Variants in SERGEF observed in about 807,000 individuals in gnomAD.
SERGEF encodes secretion-regulating guanine nucleotide exchange factor.
A neutral mutation model predicts 50.0 loss-of-function variants in SERGEF; 51 were observed. That is an observed-to-expected ratio of 1.02 (90% CI 0.81 to 1.29). The LOEUF (loss-of-function observed/expected upper bound fraction) is 1.29, where lower values mean the gene tolerates loss of function less well. Among genes scored for constraint, SERGEF ranks in the 50% most tolerant of loss-of-function variants. The pLI is 0.00. For missense variants in SERGEF, 521 were observed against 557.0 expected (o/e 0.94, Z 0.65); for synonymous variants, 205 against 212.4 (o/e 0.97, Z 0.30).
intron 9 of SERGEF, among the ~76,000 whole-genome samples, chr11:17,937,499 T>C (rs1158537825): frequency 1.3e-5 from 2 of 152,114 alleles, no homozygotes; most frequent in Admixed American, 1.3e-4. Context: ...ATCGTGCCAC[T>C]GGACTCCAGT....
intron 10 of SERGEF, among the ~76,000 whole-genome samples, chr11:17,852,344 A>G (rs1850728821): frequency 6.6e-6 from 1 of 152,234 alleles, no homozygotes; most frequent in South Asian, 2.1e-4. Context: ...TTTAAGCTTA[A>G]TGAGTAATGA....
chr11:17,821,609 C>T (rs1053958216), intron 10 of SERGEF, among the ~76,000 whole-genome samples: 1 of 152,196 alleles, frequency 6.6e-6, no homozygotes, highest in Admixed American at 6.5e-5. Flanking sequence ...CCTAGAATGC[C>T]CTCCTCATTC....
At chr11:17,843,621 C>T (rs2133864747) in intron 10 of SERGEF, among the ~76,000 whole-genome samples, 1 of 152,282 alleles carries the variant, frequency 6.6e-6, no homozygotes, top group East Asian at 1.9e-4. Context: ...ACATTAAGGA[C>T]ATTACTTGGA....
At chr11:17,851,490 G>A (rs905197914) in intron 10 of SERGEF, among the ~76,000 whole-genome samples, 2 of 152,064 alleles carry the variant, frequency 1.3e-5, no homozygotes, top group African/African-American at 2.4e-5. Context: ...TAGAGCCCCC[G>A]CACATGAGGC....
chr11:17,877,507 T>C (rs564649046), intron 10 of SERGEF, among the ~76,000 whole-genome samples: 1 of 152,306 alleles, frequency 6.6e-6, no homozygotes, highest in African/African-American at 2.4e-5. Flanking sequence ...AAGATGAGCA[T>C]AGAGAAGTCA....
intron 10 of SERGEF, among the ~76,000 whole-genome samples, chr11:17,817,300 C>T (rs563749861): frequency 5.3e-5 from 8 of 151,654 alleles, no homozygotes; most frequent in East Asian, 1.9e-4. Context: ...CTGCAAGTTC[C>T]GCCTCCCGGG....
Position 18,006,038 on chromosome 11 carries a change from C to T in SERGEF, c.352+553G>A, listed in dbSNP as rs550184851. On this transcript the variant is annotated intron_variant, in intron 3 of 10. Transcript: ENST00000265965. Reference sequence around the variant, plus strand: ...CACCAAAGGTGATCTAGTCTATTCCCTACTCTCTGACAAAAGTTTTCCACC... The same window carrying T: ...CACCAAAGGTGATCTAGTCTATTCCTTACTCTCTGACAAAAGTTTTCCACC... 5.2e-5 allele frequency among the ~76,000 whole-genome samples: 8 copies of T among 152,382 alleles called. 1 individual carries two copies. The highest frequency in any genetic ancestry group is 5.2e-4 in the Admixed American group (8 of 15,310).
chr11:17,999,979 G>C (rs1369672189), intron 5 of SERGEF, among the ~76,000 whole-genome samples: 2 of 152,288 alleles, frequency 1.3e-5, no homozygotes, highest in African/African-American at 4.8e-5. Flanking sequence ...AGAACACAAA[G>C]AGCTAGAAAA....
intron 9 of SERGEF, among the ~76,000 whole-genome samples, chr11:17,911,900 G>A (rs904373207): frequency 1.3e-5 from 2 of 152,150 alleles, no homozygotes; most frequent in African/African-American, 4.8e-5. Context: ...TGGAAGCAGG[G>A]AAGTCAAGTG....
chr11:17,954,496 G>C (rs1852826766), intron 9 of SERGEF, among the ~76,000 whole-genome samples: 1 of 152,152 alleles, frequency 6.6e-6, no homozygotes, highest in Non-Finnish European at 1.5e-5. Context: ...CTGAGTGAGT[G>C]ACTCTGCAAA....
chr11:18,008,494 C>A (rs1214578884), intron 1 of SERGEF, among the ~76,000 whole-genome samples: 2 of 152,186 alleles, frequency 1.3e-5, no homozygotes, highest in Non-Finnish European at 2.9e-5. Flanking sequence ...CTACCTCAGG[C>A]CCCAGAAGGC....
intron 9 of SERGEF, among the ~76,000 whole-genome samples, chr11:17,881,536 T>G (rs1159783941): frequency 6.6e-6 from 1 of 152,234 alleles, no homozygotes; most frequent in Non-Finnish European, 1.5e-5. Flanking sequence ...ATAATGCTCC[T>G]GTCAGCATCT....
intron 9 of SERGEF, among the ~76,000 whole-genome samples, chr11:17,959,014 G>T (rs1181266320): frequency 6.6e-6 from 1 of 152,162 alleles, no homozygotes; most frequent in African/African-American, 2.4e-5. Flanking sequence ...GACTACAGGT[G>T]TGTGCCACCA....
At chr11:18,009,194 G>C (rs763030445) in intron 1 of SERGEF, among the ~76,000 whole-genome samples, 1 of 152,194 alleles carries the variant, frequency 6.6e-6, no homozygotes, top group Non-Finnish European at 1.5e-5. Context: ...ACTGACCAAA[G>C]AGGAAATGAC....
At chr11:17,916,452 CTGAGCTTATAAATTACCTGGAGGCAT>C (rs1378924359) in intron 9 of SERGEF, among the ~76,000 whole-genome samples, 1 of 152,178 alleles carries the variant, frequency 6.6e-6, no homozygotes, top group Non-Finnish European at 1.5e-5. Flanking sequence ...CTAGCTTTAT[CTGAGCTTATAAATTACCTGGAGGCAT>C]TGAGCCCCAC....
chr11:17,857,223 G>A (rs765265475), intron 10 of SERGEF, among the ~76,000 whole-genome samples: 5 of 152,176 alleles, frequency 3.3e-5, no homozygotes, highest in Non-Finnish European at 5.9e-5. Context: ...GTGGGTGACC[G>A]TTCCGGACAT....
chr11:17,974,574 C>T (rs776981382), intron 8 of SERGEF, among the ~76,000 whole-genome samples: 2 of 152,098 alleles, frequency 1.3e-5, no homozygotes, highest in Non-Finnish European at 2.9e-5. Context: ...ACAAAGAAGC[C>T]AAAGTCTCTC....
intron 5 of SERGEF, among the ~76,000 whole-genome samples, chr11:17,998,398 C>T (rs900236791): frequency 1.4e-5 from 2 of 145,102 alleles, no homozygotes; most frequent in Non-Finnish European, 3.0e-5. Flanking sequence ...GCCTGGACAA[C>T]AGGGGGGGAC....
At chr11:17,958,903 C>A (rs11024438) in intron 9 of SERGEF, among the ~76,000 whole-genome samples, 2,727 of 152,128 alleles carry the variant, frequency 0.018, 81 homozygotes, top group African/African-American at 0.062. Flanking sequence ...TCTGCCCCCA[C>A]CCCCCTCCAG....
Sources: allele counts gnomAD v4.1 joint callset (sites outside exome capture counted in the v4.1 genomes callset), GRCh38; gene constraint gnomAD v4.1.1; transcripts MANE v1.5; gene names NCBI Gene and HGNC (gene_info 2026-07-23, HGNC 2026-07-21).